The following MYO19 variants were observed in gnomAD, a reference collection of about 807,000 sequenced individuals.
The protein encoded by MYO19 is unconventional myosin-XIX.
In MYO19, 132 loss-of-function variants were observed where a neutral mutation model predicts 129.2. The observed-to-expected ratio is 1.02, with a 90% CI of 0.89 to 1.18. The LOEUF is 1.18. MYO19 is among the 50% of genes most tolerant of loss of function. The probability of loss-of-function intolerance (pLI) is 0.00; values close to 1 mark genes in which losing one functional copy is unlikely to be tolerated. For synonymous variants in MYO19, 531 were observed against 477.2 expected (o/e 1.11, Z -1.47); for missense variants, 1,210 against 1,216.7 (o/e 0.99, Z 0.08).
In MYO19 at chr17:36,532,680, G is replaced by A. The variant is rs1296932382; in HGVS notation, c.-142C>T. The A allele has an allele frequency of 6.1e-6, 6 of 985,034 alleles. No homozygotes were observed. The highest frequency in any genetic ancestry group is 2.1e-5 in the Admixed American group (1 of 46,940). The allele number at this position is 985,034 out of a possible 1,614,324, so 61.0% of individuals were successfully genotyped here. A position where few individuals can be genotyped will look rare whatever the true frequency, so the allele number is the denominator to read the frequency against. On this transcript the variant is annotated splice_region_variant and 5_prime_UTR_variant, in exon 3 of 26. Transcript: ENST00000614623. Reference sequence around the variant, plus strand: ...GGAATCTCAGACAAGTCACTCCAGCGCCTGTGGCATGAGAGAGAAGACAAG... The same window carrying A: ...GGAATCTCAGACAAGTCACTCCAGCACCTGTGGCATGAGAGAGAAGACAAG...
At chr17:36,532,998 A>G (rs756052341) in intron 2 of MYO19, among the ~76,000 whole-genome samples, 4 of 152,170 alleles carry the variant, frequency 2.6e-5, no homozygotes, top group Non-Finnish European at 4.4e-5. Flanking sequence ...TATCCTCTAC[A>G]TTAGACAGAA....
chr17:36,507,719 C>T (rs1476908190), intron 15 of MYO19, 84 bp downstream of exon 15: 4 of 1,461,172 alleles, frequency 2.7e-6, no homozygotes, highest in Admixed American at 5.1e-5. Context: ...GGCTTCTAAT[C>T]AGAACCTGGA....
At position 36,532,567 on chromosome 17, in the gene MYO19, T is replaced by C. The variant is rs1363531160; in HGVS notation, c.-29A>G. 2.0e-5 allele frequency: 31 copies of C among 1,553,520 alleles called. No individual in the cohort carries two copies. The highest frequency in any genetic ancestry group is 2.7e-5 in the Non-Finnish European group (31 of 1,148,122). On this transcript the variant is annotated 5_prime_UTR_variant, in exon 3 of 26. Transcript: ENST00000614623. ...CCTTCAAAGTGGTCAGCCAGGGTTC[T>C]GGGTTGCAGGAGGTACAAGGAGTAC...
upstream of MYO19, chr17:36,539,405 G>A (rs1321526819): frequency 6.0e-6 from 1 of 166,044 alleles, no homozygotes; most frequent in African/African-American, 2.4e-5. Context: ...ATGTGCAGAT[G>A]GGTGGATATA....
intron 8 of MYO19, 99 bp from the exon 9 acceptor site, chr17:36,514,647 C>G (rs2072614602): frequency 2.6e-6 from 2 of 767,686 alleles, no homozygotes; most frequent in Non-Finnish European, 4.5e-6. Flanking sequence ...CTGGCAACTC[C>G]CCGCCAAGCT....
chr17:36,505,534 G>A, intron 18 of MYO19, 130 bp from the exon 19 acceptor site: 1 of 647,904 alleles, frequency 1.5e-6, no homozygotes, highest in Non-Finnish European at 2.7e-6. Context: ...AGAATCTCCT[G>A]TGCAGGGATG....
rs747796774 is a variant in MYO19 at position 36,514,489 on chromosome 17, G to C, written c.677C>G (p.Ala226Gly). ...QTYLLEKTRV[A>G]CQASSERNFH... Reference sequence around the variant, plus strand: ...GTTCCTCTCACTGGAAGCCTGGCAGGCCACTCGAGTTTTCTCTAGGAGGTA... The same window carrying C: ...GTTCCTCTCACTGGAAGCCTGGCAGCCCACTCGAGTTTTCTCTAGGAGGTA... Residue 226 changes from alanine (A) to glycine (G), a missense_variant, in exon 9 of 26, where the codon GCC (alanine) becomes GGC (glycine). Transcript: ENST00000614623. 1 of 1,613,722 alleles carries C rather than the reference G, an allele frequency of 6.2e-7. No homozygotes were observed. The highest frequency in any genetic ancestry group is 1.7e-5 in the Admixed American group (1 of 60,016).
In MYO19 at chr17:36,512,866, C is replaced by T. The variant is rs571180797; in HGVS notation, c.894+563G>A. ...CCCCCTAGTGTGACTGAGAGGAGCC[C>T]AGCTCACCTGGGGCAGTCTCATGTT... On this transcript the variant is annotated intron_variant, in intron 11 of 25. Coordinates refer to ENST00000614623, the MANE Select transcript of MYO19 (RefSeq NM_001163735.2). 23 of 1,186,190 alleles carry T rather than the reference C, an allele frequency of 1.9e-5. No homozygotes were observed. In the South Asian group the frequency reaches 2.7e-4, roughly 14 times the overall value. 73.5% of individuals were successfully genotyped at this position (1,186,190 alleles called of 1,614,324 possible).
chr17:36,515,780 C>T (rs2072704143), intron 7 of MYO19, 78 bp downstream of exon 7: 1 of 1,505,444 alleles, frequency 6.6e-7, no homozygotes, highest in South Asian at 1.3e-5. Context: ...GGTCTCAAAG[C>T]ACTGTCCCTC....
intron 6 of MYO19, among the ~76,000 whole-genome samples, chr17:36,516,529 C>T (rs1454206241): frequency 6.6e-6 from 1 of 152,166 alleles, no homozygotes; most frequent in Non-Finnish European, 1.5e-5. Flanking sequence ...CGCCACCACG[C>T]CTGGCTAATT....
upstream of MYO19, chr17:36,535,326 C>G (rs546381655): frequency 1.3e-5 from 2 of 151,644 alleles, no homozygotes; most frequent in Non-Finnish European, 2.9e-5. Flanking sequence ...AGGCGCTCCT[C>G]TCAGGGCTAC....
intron 3 of MYO19, among the ~76,000 whole-genome samples, chr17:36,530,311 ATTAT>A (rs761365756): frequency 6.6e-6 from 1 of 152,156 alleles, no homozygotes; most frequent in South Asian, 2.1e-4. Flanking sequence ...TCTCTAAATA[ATTAT>A]TTAAAGTTCT....
At chr17:36,537,736 T>G, upstream of MYO19, 5 of 1,614,136 alleles carry the variant, frequency 3.1e-6, no homozygotes, top group Non-Finnish European at 4.2e-6. Context: ...TTAGTCTTCC[T>G]AGGAATCGGA....
chr17:36,527,277 CAAG>C (rs964823153), intron 5 of MYO19, among the ~76,000 whole-genome samples: 4 of 151,638 alleles, frequency 2.6e-5, no homozygotes, highest in Admixed American at 1.3e-4. Context: ...AAACCGCAAA[CAAG>C]AAAAAAAAAT....
chr17:36,496,567 G>A (rs1439415712), intron 25 of MYO19, among the ~76,000 whole-genome samples, 161 bp from the exon 26 acceptor site: 2 of 152,164 alleles, frequency 1.3e-5, no homozygotes, highest in Non-Finnish European at 2.9e-5. Context: ...CTCAGTGTGA[G>A]ACAGATGAGG....
At chr17:36,502,507 T>G (rs2071602594) in intron 21 of MYO19, among the ~76,000 whole-genome samples, 1 of 152,112 alleles carries the variant, frequency 6.6e-6, no homozygotes, top group Non-Finnish European at 1.5e-5. Context: ...CCACAATTCT[T>G]GTTTCTCTCT....
intron 6 of MYO19, among the ~76,000 whole-genome samples, chr17:36,523,849 T>C (rs535125578): frequency 6.6e-6 from 1 of 152,138 alleles, no homozygotes; most frequent in African/African-American, 2.4e-5. Flanking sequence ...AACACCCAAA[T>C]AAACTGATAA....
chr17:36,512,247 G>A (rs2072397181), intron 11 of MYO19, among the ~76,000 whole-genome samples: 1 of 138,680 alleles, frequency 7.2e-6, no homozygotes, highest in Admixed American at 6.9e-5. Flanking sequence ...AAAATTAGCT[G>A]GGTGTGGTGG....
At chr17:36,518,519 A>AGATATAT (rs2072919287) in intron 6 of MYO19, among the ~76,000 whole-genome samples, 1 of 67,536 alleles carries the variant, frequency 1.5e-5, no homozygotes, top group Non-Finnish European at 3.0e-5. Flanking sequence ...AAAAAAAAAA[A>AGATATAT]AAAAAAAAAT....
Sources: allele counts gnomAD v4.1 joint callset (sites outside exome capture counted in the v4.1 genomes callset), GRCh38; gene constraint gnomAD v4.1.1; transcripts MANE v1.5; gene names NCBI Gene and HGNC (gene_info 2026-07-23, HGNC 2026-07-21).